Variants in ASIC5 observed in about 807,000 individuals in gnomAD.
The protein encoded by ASIC5 is acid sensing ion channel subunit family member 5.
A neutral mutation model predicts 51.2 loss-of-function variants in ASIC5; 52 were observed. The observed-to-expected ratio is 1.02, with a 90% CI of 0.81 to 1.28. The LOEUF is 1.28. Among genes scored for constraint, ASIC5 ranks in the 50% most tolerant of loss-of-function variants. The pLI, the probability that ASIC5 is intolerant of heterozygous loss-of-function variation, is 0.00. For missense variants in ASIC5, 635 were observed against 595.0 expected (o/e 1.07, Z -0.70); for synonymous variants, 231 against 200.7 (o/e 1.15, Z -1.28).
rs1741400457 is a variant in ASIC5, at chr4:155,852,307, G to A, written c.595C>T (p.His199Tyr). The change falls in exon 4 of 10, where the codon CAT (histidine) becomes TAT (tyrosine). Residue 199 changes from histidine (H) to tyrosine (Y), a missense_variant. His to Tyr is a moderately conservative substitution (Grantham distance 83). Transcript: ENST00000537611. Reference protein sequence around the residue: ...GKPCSPKDFAHVFTEYGNCFT... With the variant: ...GKPCSPKDFAYVFTEYGNCFT... ...CAATTTCCATATTCAGTGAAGACAT[G>A]TGCAAAATCCTCCAATATGTAAATG... The A allele has an allele frequency of 1.9e-6, 3 of 1,584,410 alleles. No homozygotes were observed. Among genetic ancestry groups the A allele is most frequent in the Non-Finnish European group, 2.6e-6 (3 of 1,170,428 alleles).
intron 4 of ASIC5, among the ~76,000 whole-genome samples, chr4:155,847,292 T>G (rs1741273111): frequency 1.3e-5 from 2 of 152,114 alleles, no homozygotes; most frequent in Non-Finnish European, 2.9e-5. Flanking sequence ...GTATGTGCTT[T>G]TAAAGTCCTT....
intron 8 of ASIC5, 95 bp downstream of exon 8, chr4:155,836,594 G>T: frequency 1.3e-6 from 1 of 754,022 alleles, no homozygotes; most frequent in Non-Finnish European, 2.1e-6. Context: ...TCCCTTGATT[G>T]ATTAGAATTT....
intron 2 of ASIC5, among the ~76,000 whole-genome samples, chr4:155,859,305 T>C (rs369753225): frequency 3.9e-5 from 6 of 152,096 alleles, no homozygotes; most frequent in African/African-American, 1.4e-4. Flanking sequence ...TATTTTATTT[T>C]TTAACATTTT....
At chr4:155,860,317 TAATA>T (rs1741669047) in intron 2 of ASIC5, among the ~76,000 whole-genome samples, 1 of 151,848 alleles carries the variant, frequency 6.6e-6, no homozygotes, top group Non-Finnish European at 1.5e-5. Flanking sequence ...CTCCTAAAAA[TAATA>T]AATAAATATA....
At chr4:155,830,213 C>T (rs1334320129) in intron 9 of ASIC5, among the ~76,000 whole-genome samples, 167 bp from the exon 10 acceptor site, 1 of 151,912 alleles carries the variant, frequency 6.6e-6, no homozygotes, top group Admixed American at 6.6e-5. Context: ...TTGGTAATAT[C>T]AAAGTGGTAT....
chr4:155,833,841 G>C (rs1035910577), intron 8 of ASIC5, among the ~76,000 whole-genome samples: 13 of 152,172 alleles, frequency 8.5e-5, no homozygotes, highest in African/African-American at 3.1e-4. Context: ...CTGAATCTGT[G>C]CCTCATGGCA....
chr4:155,840,863 G>A (rs140025544), intron 6 of ASIC5, among the ~76,000 whole-genome samples: 66 of 152,002 alleles, frequency 4.3e-4, no homozygotes, highest in African/African-American at 1.5e-3. Flanking sequence ...ATATGTTGCA[G>A]ACCCTGCCTC....
At position 155,829,831 on chromosome 4, in the gene ASIC5, G is replaced by T. The variant is rs1393665882; in HGVS notation, c.*25C>A. On this transcript the variant is annotated 3_prime_UTR_variant, in exon 10 of 10. Coordinates refer to ENST00000537611, the MANE Select transcript of ASIC5 (RefSeq NM_017419.3). ...ATAAATCTGAAGGTATCATGAAAAGGAAACTATTTTATTCTAAGTGACCAT... is the reference window on the plus strand; with the variant it reads ...ATAAATCTGAAGGTATCATGAAAAGTAAACTATTTTATTCTAAGTGACCAT... 1.4e-6 allele frequency: 2 copies of T among 1,412,484 alleles called. No individual in the cohort carries two copies. Among genetic ancestry groups the T allele is most frequent in the Non-Finnish European group, 9.5e-7 (1 of 1,057,472 alleles). 87.5% of individuals were successfully genotyped at this position (1,412,484 alleles called of 1,614,324 possible). A position where few individuals can be genotyped will look rare whatever the true frequency, so the allele number is the denominator to read the frequency against.
chr4:155,865,844 A>G (rs1385080233), intron 1 of ASIC5, among the ~76,000 whole-genome samples: 1 of 152,152 alleles, frequency 6.6e-6, no homozygotes, highest in African/African-American at 2.4e-5. Flanking sequence ...GTGCTGATCA[A>G]CATAGAAGCA....
intron 4 of ASIC5, 152 bp downstream of exon 4, chr4:155,852,039 T>TA: frequency 1.2e-6 from 1 of 849,674 alleles, no homozygotes; most frequent in Non-Finnish European, 1.8e-6. Flanking sequence ...AGCCAGTAGT[T>TA]ATATAAAATC....
At chr4:155,836,904 A>T (rs747383033) in intron 7 of ASIC5, 47 bp from the exon 8 acceptor site, 1 of 1,381,610 alleles carries the variant, frequency 7.2e-7, no homozygotes, top group South Asian at 1.3e-5. Flanking sequence ...GAAATATTTC[A>T]TCATGGGTAG....
At chr4:155,839,727 A>T (rs1741073995) in intron 6 of ASIC5, among the ~76,000 whole-genome samples, 3 of 149,152 alleles carry the variant, frequency 2.0e-5, no homozygotes. Context: ...TAAGTAAAAA[A>T]AAAAAACTAC....
intron 8 of ASIC5, among the ~76,000 whole-genome samples, chr4:155,834,904 C>A (rs964806481): frequency 1.3e-5 from 2 of 152,016 alleles, no homozygotes; most frequent in Non-Finnish European, 2.9e-5. Context: ...GGAGCTCGGC[C>A]GGGGGTGTTC....
Position 155,838,812 on chromosome 4 carries a change from C to A in ASIC5, c.1066+1G>T. On this transcript the variant is annotated splice_donor_variant, in intron 7 of 9. Coordinates refer to ENST00000537611, the MANE Select transcript of ASIC5 (RefSeq NM_017419.3). LOFTEE classifies it high-confidence loss of function. ...AAAATAAAAGTAAATTAAGCACTTA[C>A]CAAGTACAGGAGAAACACAGCTGAA... 1.9e-6 allele frequency: 3 copies of A among 1,568,770 alleles called. No homozygotes were observed. Among genetic ancestry groups the A allele is most frequent in the Non-Finnish European group, 2.6e-6 (3 of 1,142,100 alleles).
At chr4:155,862,607 G>A (rs1279571511) in intron 2 of ASIC5, among the ~76,000 whole-genome samples, 1 of 152,080 alleles carries the variant, frequency 6.6e-6, no homozygotes, top group Non-Finnish European at 1.5e-5. Context: ...AGCAGATTTG[G>A]TGTACAGTCA....
chr4:155,846,887 TAAAC>T (rs1313649265), intron 4 of ASIC5, among the ~76,000 whole-genome samples: 1 of 152,044 alleles, frequency 6.6e-6, no homozygotes, highest in East Asian at 1.9e-4. Flanking sequence ...TAAAAAAACA[TAAAC>T]AAATTTTGTC....
intron 1 of ASIC5, among the ~76,000 whole-genome samples, chr4:155,865,985 A>G (rs1457704684): frequency 6.6e-6 from 1 of 152,228 alleles, no homozygotes; most frequent in East Asian, 1.9e-4. Flanking sequence ...GTAATATTTT[A>G]AAACTATTTT....
Position 155,830,036 on chromosome 4 carries a change from AC to A in ASIC5, c.1337del (p.Gly446ValfsTer12). 6.5e-7 allele frequency: 1 copy of A among 1,547,134 alleles called. No homozygotes were observed. The highest frequency in any genetic ancestry group is 8.7e-7 in the Non-Finnish European group (1 of 1,149,464). On this transcript the variant is annotated frameshift_variant, in exon 10 of 10. Transcript: ENST00000537611. LOFTEE classifies it high-confidence loss of function. ...CCCCACAAAATAGACCCAGCTGACC[AC>A]CAAGATCTGCTGTAATAAAACCAAT... ...VSVSELLADL[G>X]GQLGLFCGAS...
chr4:155,836,031 A>G (rs1740970991), intron 8 of ASIC5, among the ~76,000 whole-genome samples: 2 of 152,226 alleles, frequency 1.3e-5, no homozygotes, highest in South Asian at 4.1e-4. Context: ...AAGAAGAAAC[A>G]AAGAGAAATG....
Sources: gnomAD v4.1 joint callset for allele counts (sites outside exome capture counted in the v4.1 genomes callset) on GRCh38, gnomAD v4.1.1 for gene constraint, MANE v1.5 for transcripts, NCBI Gene and HGNC (gene_info 2026-07-23, HGNC 2026-07-21) for gene names.